Variants in CWC27 observed in about 807,000 individuals in gnomAD.
CWC27 encodes the protein CWC27 spliceosome associated cyclophilin.
A neutral mutation model predicts 63.6 loss-of-function variants in CWC27; 47 were observed. That is an observed-to-expected ratio of 0.74 (90% confidence interval 0.58 to 0.94). CWC27 has a LOEUF of 0.94. Ranked by LOEUF, CWC27 falls within the 40% of genes least tolerant of loss-of-function variation. CWC27 has a pLI of 0.00. For missense variants in CWC27, 495 were observed against 554.3 expected (o/e 0.89, Z 1.07); for synonymous variants, 175 against 179.8 (o/e 0.97, Z 0.22).
intron 10 of CWC27, among the ~76,000 whole-genome samples, chr5:64,805,209 T>C (rs529073531): frequency 1.8e-3 from 268 of 152,010 alleles, no homozygotes; most frequent in Non-Finnish European, 2.9e-3. Context: ...TTTTTCTTTA[T>C]GTAATCAAAT....
chr5:64,804,286 C>G lies in CWC27; in HGVS notation c.838C>G (p.Leu280Val). Residue 280 changes from leucine (L) to valine (V), a missense_variant, in exon 10 of 14, where the codon CTG becomes GTG. By Grantham distance (32) the Leu-to-Val change is conservative (BLOSUM62 1). This residue lies in a region of CWC27 where 463 missense variants were observed against 498.1 expected (regional missense o/e 0.93). Coordinates refer to ENST00000381070, the MANE Select transcript of CWC27 (RefSeq NM_005869.4). Reference protein sequence around the residue: ...DEYIDGDEKNLMRERIAKKLK... With the variant: ...DEYIDGDEKNVMRERIAKKLK... ...ATATATTGATGGTGATGAAAAGAAC[C>G]TGATGAGAGAAAGAATTGCCAAAAA... 6.2e-7 allele frequency: 1 copy of G among 1,612,754 alleles called. No individual in the cohort carries two copies. Among genetic ancestry groups the G allele is most frequent in the Non-Finnish European group, 8.5e-7 (1 of 1,179,426 alleles).
At chr5:64,864,197 G>A (rs1000143507) in intron 10 of CWC27, among the ~76,000 whole-genome samples, 2 of 152,144 alleles carry the variant, frequency 1.3e-5, no homozygotes, top group East Asian at 1.9e-4. Flanking sequence ...TTTATGCCTC[G>A]TGGATTTTTA....
chr5:64,924,622 T>G (rs921723036), intron 11 of CWC27, among the ~76,000 whole-genome samples: 5 of 152,146 alleles, frequency 3.3e-5, no homozygotes, highest in Admixed American at 3.3e-4. Flanking sequence ...TGCACATCCT[T>G]TTGCTACCAC....
intron 13 of CWC27, among the ~76,000 whole-genome samples, chr5:65,002,667 A>AT (rs576503159): frequency 9.3e-5 from 14 of 151,142 alleles, no homozygotes; most frequent in African/African-American, 1.7e-4. Context: ...TATGATTTTG[A>AT]TTTTTTTTTA....
At chr5:64,920,285 C>T (rs1398498845) in intron 11 of CWC27, among the ~76,000 whole-genome samples, 3 of 152,036 alleles carry the variant, frequency 2.0e-5, no homozygotes, top group Admixed American at 6.6e-5. Flanking sequence ...TATTGGCTTA[C>T]GTATATTGAA....
intron 7 of CWC27, among the ~76,000 whole-genome samples, chr5:64,797,066 T>C (rs1409576248): frequency 6.6e-6 from 1 of 151,756 alleles, no homozygotes; most frequent in Non-Finnish European, 1.5e-5. Flanking sequence ...AATTTTTCTG[T>C]GTCCCTCTGA....
intron 13 of CWC27, among the ~76,000 whole-genome samples, chr5:64,991,192 T>C (rs980884717): frequency 6.6e-6 from 1 of 152,254 alleles, no homozygotes; most frequent in Non-Finnish European, 1.5e-5. Context: ...GGTTTAATCC[T>C]TCCTGTGTAA....
intron 10 of CWC27, among the ~76,000 whole-genome samples, chr5:64,850,225 C>CAAAAAAA (rs61174118): frequency 7.7e-6 from 1 of 129,650 alleles, no homozygotes; most frequent in Non-Finnish European, 1.6e-5. Flanking sequence ...TGGTACTGGC[C>CAAAAAAA]AAAAAAAAAG....
At chr5:65,010,599 T>C (rs1237666679) in intron 13 of CWC27, among the ~76,000 whole-genome samples, 2 of 152,206 alleles carry the variant, frequency 1.3e-5, no homozygotes, top group African/African-American at 4.8e-5. Context: ...ATTTTGTGTA[T>C]GGCAAAATTT....
intron 11 of CWC27, among the ~76,000 whole-genome samples, chr5:64,888,458 G>A (rs972426698): frequency 1.4e-5 from 2 of 145,458 alleles, no homozygotes; most frequent in African/African-American, 5.0e-5. Flanking sequence ...TGTATATTTT[G>A]GGATTATAAC....
intron 11 of CWC27, among the ~76,000 whole-genome samples, chr5:64,888,032 C>G (rs1348334115): frequency 6.6e-6 from 1 of 151,904 alleles, no homozygotes; most frequent in Non-Finnish European, 1.5e-5. Context: ...GTGCCCAGCT[C>G]TTGCTTTCTA....
At chr5:64,819,522 T>A (rs1018688280) in intron 10 of CWC27, among the ~76,000 whole-genome samples, 2 of 151,976 alleles carry the variant, frequency 1.3e-5, no homozygotes, top group East Asian at 3.9e-4. Context: ...GTTCTCATGA[T>A]AGTGAATAAG....
chr5:65,009,883 A>G (rs542271894), intron 13 of CWC27, among the ~76,000 whole-genome samples: 15 of 152,376 alleles, frequency 9.8e-5, no homozygotes, highest in African/African-American at 3.6e-4. Flanking sequence ...AGTTAAAATG[A>G]TAATAAATGT....
chr5:64,935,371 A>G (rs1180053192), intron 11 of CWC27, among the ~76,000 whole-genome samples: 1 of 152,178 alleles, frequency 6.6e-6, no homozygotes, highest in Non-Finnish European at 1.5e-5. Flanking sequence ...TCCTTTCCCC[A>G]TTGCTTGTTT....
At chr5:64,971,941 T>C in intron 12 of CWC27, 129 bp downstream of exon 12, 1 of 504,180 alleles carries the variant, frequency 2.0e-6, no homozygotes, top group South Asian at 3.9e-5. Context: ...AAAGAATATA[T>C]TTATATAGGG....
chr5:64,836,996 T>G (rs1745674798), intron 10 of CWC27, among the ~76,000 whole-genome samples: 1 of 152,094 alleles, frequency 6.6e-6, no homozygotes, highest in Non-Finnish European at 1.5e-5. Context: ...AGGAAAAGTT[T>G]CAAAAGGATG....
intron 10 of CWC27, among the ~76,000 whole-genome samples, chr5:64,883,284 T>G (rs943473275): frequency 6.6e-6 from 1 of 152,030 alleles, no homozygotes; most frequent in Non-Finnish European, 1.5e-5. Flanking sequence ...GAGATTTGGG[T>G]GGGGATACAG....
At chr5:64,970,134 A>G (rs1749090188) in intron 11 of CWC27, among the ~76,000 whole-genome samples, 1 of 152,174 alleles carries the variant, frequency 6.6e-6, no homozygotes, top group South Asian at 2.1e-4. Context: ...ATCCCAGGAC[A>G]ATGCAAATCT....
chr5:64,788,876 T>C, intron 6 of CWC27, 75 bp from the exon 7 acceptor site: 1 of 953,528 alleles, frequency 1.0e-6, no homozygotes, highest in East Asian at 2.5e-5. Flanking sequence ...GTTCTCTTGC[T>C]CTGAAAATAA....
Sources: allele counts gnomAD v4.1 joint callset (sites outside exome capture counted in the v4.1 genomes callset), GRCh38; gene constraint gnomAD v4.1.1; regional missense constraint gnomAD v4.1.1; transcripts MANE v1.5; gene names NCBI Gene and HGNC (gene_info 2026-07-23, HGNC 2026-07-21).